Variants in SLC25A14 observed in about 807,000 individuals in gnomAD.
The protein encoded by SLC25A14 is solute carrier family 25 member 14.
SLC25A14 carries 8 observed loss-of-function variants against 28.1 expected under a neutral mutation model. That is an observed-to-expected ratio of 0.28 (90% CI 0.17 to 0.51). SLC25A14 has a LOEUF of 0.51. SLC25A14 is among the 20% of genes least tolerant of loss of function. The pLI is 0.97. For synonymous variants in SLC25A14, 74 were observed against 90.6 expected (o/e 0.82, Z 1.04); for missense variants, 135 against 263.8 (o/e 0.51, Z 3.38).
At chrX:130,355,140 G>A (rs984633404) in intron 6 of SLC25A14, among the ~76,000 whole-genome samples, 3 of 112,127 alleles carry the variant, frequency 2.7e-5, no homozygotes, top group Admixed American at 1.9e-4. Context: ...ATAAATTATC[G>A]TTCTTTTAAA....
intron 5 of SLC25A14, among the ~76,000 whole-genome samples, chrX:130,350,181 G>T (rs1200855121): frequency 8.9e-6 from 1 of 111,736 alleles, no homozygotes; most frequent in Non-Finnish European, 1.9e-5. Context: ...CAGAGGCTAG[G>T]AGAGATCTCA....
At chrX:130,358,567 A>T in intron 6 of SLC25A14, 73 bp from the exon 7 acceptor site, 1 of 668,590 alleles carries the variant, frequency 1.5e-6, no homozygotes, top group Non-Finnish European at 2.3e-6. Flanking sequence ...AAATGAATTT[A>T]AATGAACTTA....
chrX:130,352,733 C>G (rs1254001464), intron 6 of SLC25A14, among the ~76,000 whole-genome samples: 2 of 112,132 alleles, frequency 1.8e-5, no homozygotes, highest in African/African-American at 6.5e-5. Context: ...AGTGTCCGTT[C>G]ATGTCTTTTG....
chrX:130,348,135 A>AGGTTCTGCTGAG (rs2033500755), intron 4 of SLC25A14, among the ~76,000 whole-genome samples: 1 of 111,175 alleles, frequency 9.0e-6, no homozygotes, highest in East Asian at 2.8e-4. Context: ...CAGTTTGGTC[A>AGGTTCTGCTGAG]GGTTCTGCTG....
intron 9 of SLC25A14, among the ~76,000 whole-genome samples, chrX:130,367,513 G>T (rs5977248): frequency 0.4 from 44,246 of 110,283 alleles, 6,535 homozygotes; most frequent in Non-Finnish European, 0.44. Flanking sequence ...TCAAGAGAGG[G>T]TTCATGGATA....
At chrX:130,371,744 A>G in intron 10 of SLC25A14, 100 bp downstream of exon 10, 1 of 560,447 alleles carries the variant, frequency 1.8e-6, no homozygotes, top group Admixed American at 2.8e-5. Flanking sequence ...GGCTAGTGAG[A>G]AACTCAAGCA....
intron 5 of SLC25A14, chrX:130,349,597 T>A: frequency 5.1e-6 from 1 of 196,557 alleles, no homozygotes; most frequent in Non-Finnish European, 9.4e-6. Context: ...TGGAACAATC[T>A]TGTCCAGAAA....
intron 3 of SLC25A14, 43 bp downstream of exon 3, chrX:130,345,318 A>T (rs373553386): frequency 2.5e-6 from 2 of 800,465 alleles, no homozygotes; most frequent in Admixed American, 2.4e-5. Flanking sequence ...TACGGTATAG[A>T]TGGTAGCTTA....
chrX:130,360,871 A>G (rs1248504502), intron 7 of SLC25A14, among the ~76,000 whole-genome samples: 1 of 111,862 alleles, frequency 8.9e-6, no homozygotes, highest in African/African-American at 3.2e-5. Context: ...ATTGTTGTAC[A>G]ACTGATCTCC....
chrX:130,358,736 G>T lies in SLC25A14; in HGVS notation c.594+1G>T. The T allele has an allele frequency of 8.8e-7, 1 of 1,130,827 alleles. No individual in the cohort carries two copies. The highest frequency in any genetic ancestry group is 1.2e-6 in the Non-Finnish European group (1 of 825,383). 93.2% of individuals were successfully genotyped at this position (1,130,827 alleles called of 1,213,427 possible). ...AGAAGGCACCAGGGGTCTGTGGAGG[G>T]TAAGTACTCTTTTCCTGCTATTATC... On this transcript the variant is annotated splice_donor_variant, in intron 7 of 10. Transcript: ENST00000545805. LOFTEE classifies it high-confidence loss of function.
chrX:130,357,658 A>G (rs1202584512), intron 6 of SLC25A14, among the ~76,000 whole-genome samples: 1 of 112,237 alleles, frequency 8.9e-6, no homozygotes, highest in East Asian at 2.8e-4. Context: ...CCATTACATG[A>G]CTTACTAAAG....
chrX:130,342,861 A>G (rs1337376758), intron 2 of SLC25A14, among the ~76,000 whole-genome samples: 1 of 108,872 alleles, frequency 9.2e-6, no homozygotes, highest in Admixed American at 9.7e-5. Flanking sequence ...CCTAAATTAA[A>G]TACATTTAGC....
intron 7 of SLC25A14, among the ~76,000 whole-genome samples, chrX:130,362,534 A>C (rs942713692): frequency 8.9e-6 from 1 of 111,997 alleles, no homozygotes; most frequent in East Asian, 2.8e-4. Context: ...CATAAAAATG[A>C]AAATTAACAT....
chrX:130,354,359 C>T (rs1466049560), intron 6 of SLC25A14, among the ~76,000 whole-genome samples: 1 of 111,747 alleles, frequency 8.9e-6, no homozygotes, highest in Admixed American at 9.5e-5. Flanking sequence ...GTGATCCACC[C>T]GCCTTGGCCT....
chrX:130,346,056 C>T (rs1255358202), intron 3 of SLC25A14, among the ~76,000 whole-genome samples: 2 of 110,917 alleles, frequency 1.8e-5, no homozygotes, highest in Non-Finnish European at 3.8e-5. Context: ...CTATTTGTTT[C>T]TTGTAAACAG....
chrX:130,347,818 T>C (rs1183477923), intron 4 of SLC25A14, among the ~76,000 whole-genome samples: 5 of 111,927 alleles, frequency 4.5e-5, no homozygotes, highest in East Asian at 2.8e-4. Flanking sequence ...TTTCCTTTTT[T>C]GTACTGTTTT....
Position 130,373,243 on chromosome X carries a change from G to C in SLC25A14, c.*293G>C, listed in dbSNP as rs2034306951. ...GAAAACGGCCTGCTTTCCAAATGTG[G>C]TTAAATGTAATTGGTTAGCCCCAGA... On this transcript the variant is annotated 3_prime_UTR_variant, in exon 11 of 11. Transcript: ENST00000545805. 1.1e-5 allele frequency: 3 copies of C among 276,148 alleles called. No homozygotes were observed. The South Asian group carries it at 2.7e-4, about 25-fold the overall frequency. The allele number at this position is 276,148 out of a possible 1,213,427, so 22.8% of individuals were successfully genotyped here. A position where few individuals can be genotyped will look rare whatever the true frequency, so the allele number is the denominator to read the frequency against.
intron 6 of SLC25A14, among the ~76,000 whole-genome samples, chrX:130,352,130 C>G (rs1227822667): frequency 9.0e-6 from 1 of 111,472 alleles, no homozygotes; most frequent in East Asian, 2.8e-4. Context: ...CATGAGTATG[C>G]AATATTTAGC....
intron 2 of SLC25A14, among the ~76,000 whole-genome samples, chrX:130,344,288 A>G (rs1003683436): frequency 9.0e-6 from 1 of 111,637 alleles, no homozygotes; most frequent in African/African-American, 3.3e-5. Context: ...CTTCTAGATG[A>G]TTCTAATACA....
Sources: allele counts gnomAD v4.1 joint callset (sites outside exome capture counted in the v4.1 genomes callset), GRCh38; gene constraint gnomAD v4.1.1; transcripts MANE v1.5; gene names NCBI Gene and HGNC (gene_info 2026-07-23, HGNC 2026-07-21).